Variants in C14orf132 observed in about 807,000 individuals in gnomAD.
C14orf132 encodes uncharacterized protein C14orf132.
A neutral mutation model predicts 5.8 loss-of-function variants in C14orf132; 6 were observed. The observed-to-expected ratio is 1.03, with a 90% confidence interval of 0.57 to 2.04. C14orf132 has a LOEUF of 2.04. C14orf132 is among the 30% of genes most tolerant of loss of function. C14orf132 has a pLI of 0.00. For missense variants in C14orf132, 125 were observed against 115.8 expected (o/e 1.08, Z -0.37); for synonymous variants, 51 against 49.8 (o/e 1.02, Z -0.10).
chr14:96,085,017 A>C (rs756370452), intron 1 of C14orf132, among the ~76,000 whole-genome samples: 2 of 152,138 alleles, frequency 1.3e-5, no homozygotes, highest in Non-Finnish European at 2.9e-5. Context: ...CCTGAAGCCC[A>C]TGGGGCTGCA....
intron 1 of C14orf132, among the ~76,000 whole-genome samples, chr14:96,082,139 C>T (rs1566836011): frequency 2.0e-5 from 3 of 152,196 alleles, no homozygotes; most frequent in Non-Finnish European, 2.9e-5. Flanking sequence ...TGCTCTGAGT[C>T]AAAACCTCAT....
intron 1 of C14orf132, among the ~76,000 whole-genome samples, chr14:96,068,139 A>G (rs1887588677): frequency 6.6e-6 from 1 of 152,232 alleles, no homozygotes; most frequent in Non-Finnish European, 1.5e-5. Context: ...GATACCCAGT[A>G]GCAAATCTTT....
intron 1 of C14orf132, among the ~76,000 whole-genome samples, chr14:96,061,600 A>G (rs1215261131): frequency 6.6e-6 from 1 of 152,160 alleles, no homozygotes; most frequent in African/African-American, 2.4e-5. Context: ...ATTTGCCATC[A>G]TGTGCCTTTG....
At chr14:96,082,194 T>A (rs1888050100) in intron 1 of C14orf132, among the ~76,000 whole-genome samples, 2 of 152,220 alleles carry the variant, frequency 1.3e-5, no homozygotes, top group African/African-American at 4.8e-5. Flanking sequence ...CCTTGCCCAC[T>A]GGCGTGAGAA....
Position 96,087,907 on chromosome 14 carries a change from T to A in C14orf132, c.*1172T>A. The stretch of plus-strand genomic sequence containing the variant: ...TAAAAACCAGAGAGAAGGGCACACT[T>A]TTCTTTCTTCATTAGGAAATCTTAT... On this transcript the variant is annotated 3_prime_UTR_variant, in exon 2 of 2. Transcript: ENST00000555004. 1 of 152,264 alleles carries A rather than the reference T, an allele frequency of 6.6e-6. No individual in the cohort carries two copies. 9.4% of individuals were successfully genotyped at this position (152,264 alleles called of 1,614,324 possible). A position where few individuals can be genotyped will look rare whatever the true frequency, so the allele number is the denominator to read the frequency against.
chr14:96,047,333 G>C (rs1318975621), intron 1 of C14orf132, among the ~76,000 whole-genome samples: 3 of 152,172 alleles, frequency 2.0e-5, no homozygotes, highest in Non-Finnish European at 4.4e-5. Flanking sequence ...AAAGCTAAGA[G>C]AACTGGGACA....
At chr14:96,064,646 A>G (rs1207014180) in intron 1 of C14orf132, among the ~76,000 whole-genome samples, 4 of 151,812 alleles carry the variant, frequency 2.6e-5, no homozygotes, top group East Asian at 3.9e-4. Flanking sequence ...AGGCACAAGA[A>G]TGATACAATG....
intron 1 of C14orf132, among the ~76,000 whole-genome samples, chr14:96,047,769 A>G (rs1038419232): frequency 6.6e-6 from 1 of 152,214 alleles, no homozygotes; most frequent in African/African-American, 2.4e-5. Flanking sequence ...AAAAATCGAG[A>G]GGAGGGCATA....
chr14:96,081,198 CA>C (rs1888022380), intron 1 of C14orf132, among the ~76,000 whole-genome samples: 1 of 152,180 alleles, frequency 6.6e-6, no homozygotes, highest in South Asian at 2.1e-4. Flanking sequence ...TCATATTATG[CA>C]TGCATGTTTT....
At chr14:96,067,149 C>G (rs1887555784) in intron 1 of C14orf132, among the ~76,000 whole-genome samples, 1 of 152,146 alleles carries the variant, frequency 6.6e-6, no homozygotes, top group African/African-American at 2.4e-5. Flanking sequence ...AGAAGGGGCT[C>G]AGGAGAGGAA....
In C14orf132 at chr14:96,090,448, G is replaced by C. The variant is rs1316996844; in HGVS notation, c.*3713G>C. ...GAGCAACTTACTGCTTTGTGAGGTT[G>C]TGAGTGGCCACCACTGAAGGTCTTT... is the stretch of plus-strand genomic sequence containing the variant. On this transcript the variant is annotated 3_prime_UTR_variant, in exon 2 of 2. Coordinates refer to ENST00000555004, the MANE Select transcript of C14orf132 (RefSeq NM_001252507.3). 6 of 334,668 alleles carry C rather than the reference G, an allele frequency of 1.8e-5. No individual in the cohort carries two copies. Among genetic ancestry groups the C allele is most frequent in the Non-Finnish European group, 3.5e-5 (6 of 170,614 alleles). 20.7% of individuals were successfully genotyped at this position (334,668 alleles called of 1,614,324 possible). A position where few individuals can be genotyped will look rare whatever the true frequency, so the allele number is the denominator to read the frequency against.
At position 96,090,727 on chromosome 14, in the gene C14orf132, C is replaced by T. The variant is rs377214860; in HGVS notation, c.*3992C>T. On this transcript the variant is annotated 3_prime_UTR_variant, in exon 2 of 2. Transcript: ENST00000555004. The stretch of plus-strand genomic sequence containing the variant: ...GATGGGAGGAGGGGCAGCAGCATTT[C>T]GCTGGAAAGGCAGCAGATGCTTTTC... 3.5e-5 allele frequency: 16 copies of T among 456,066 alleles called. No homozygotes were observed. Among genetic ancestry groups the T allele is most frequent in the African/African-American group, 2.0e-4 (10 of 50,196 alleles). The allele number at this position is 456,066 out of a possible 1,614,324, so 28.3% of individuals were successfully genotyped here. A position where few individuals can be genotyped will look rare whatever the true frequency, so the allele number is the denominator to read the frequency against.
chr14:96,060,030 C>G (rs1004000114), intron 1 of C14orf132, among the ~76,000 whole-genome samples: 4 of 152,202 alleles, frequency 2.6e-5, no homozygotes, highest in Non-Finnish European at 4.4e-5. Flanking sequence ...CTGGGATGCC[C>G]CCCTCCCCTC....
At position 96,039,985 on chromosome 14, in the gene C14orf132, G is replaced by C. The variant is rs1457686770; in HGVS notation, c.27+458G>C. On this transcript the variant is annotated intron_variant, in intron 1 of 1. Transcript: ENST00000555004. This position sits in a 1 kb window ranked among gnomAD's most constrained non-coding sequence, Gnocchi z 5.3. ...CTGTCTCTTGCCGGTGACCTCGGGC[G>C]CCCCCTTTGCCGCCGCCTGAGGAAG... is the stretch of plus-strand genomic sequence containing the variant. 6.6e-6 allele frequency among the ~76,000 whole-genome samples: 1 copy of C among 152,076 alleles called. No individual in the cohort carries two copies. The highest frequency in any genetic ancestry group is 2.4e-5 in the African/African-American group (1 of 41,388).
chr14:96,064,603 C>G (rs974293492), intron 1 of C14orf132, among the ~76,000 whole-genome samples: 12 of 151,922 alleles, frequency 7.9e-5, no homozygotes, highest in East Asian at 7.8e-4. Flanking sequence ...TATGTTCTCA[C>G]TGGTATGTGG....
chr14:96,058,195 C>T (rs781561341), intron 1 of C14orf132, among the ~76,000 whole-genome samples: 24 of 152,256 alleles, frequency 1.6e-4, no homozygotes, highest in Admixed American at 2.6e-4. Flanking sequence ...GCCCGCACTT[C>T]GTGAGGCACA....
chr14:96,058,017 A>G (rs919116531), intron 1 of C14orf132, among the ~76,000 whole-genome samples: 4 of 152,220 alleles, frequency 2.6e-5, no homozygotes, highest in African/African-American at 7.2e-5. Context: ...AACGTGTTAC[A>G]CAGAGCAGCA....
intron 1 of C14orf132, among the ~76,000 whole-genome samples, chr14:96,077,529 G>C (rs1887906142): frequency 6.6e-6 from 1 of 152,172 alleles, no homozygotes; most frequent in African/African-American, 2.4e-5. Flanking sequence ...GAAGACACAG[G>C]GAGAAGGTGG....
At chr14:96,083,931 CGAG>C (rs1888104894) in intron 1 of C14orf132, among the ~76,000 whole-genome samples, 2 of 152,132 alleles carry the variant, frequency 1.3e-5, no homozygotes, top group Non-Finnish European at 2.9e-5. Flanking sequence ...ATACAGGTGC[CGAG>C]TGCCTCCTGG....
Sources: gnomAD v4.1 joint callset for allele counts (sites outside exome capture counted in the v4.1 genomes callset) on GRCh38, gnomAD v4.1.1 for gene constraint, Gnocchi (gnomAD v3.1) non-coding constraint, MANE v1.5 for transcripts, NCBI Gene and HGNC (gene_info 2026-07-23, HGNC 2026-07-21) for gene names.